RNASEH2B: variants seen among roughly 807,000 people sequenced by gnomAD.
RNASEH2B encodes the protein ribonuclease H2 subunit B, also known as Aicardi-Goutieres syndrome 2 protein.
A neutral mutation model predicts 45.0 loss-of-function variants in RNASEH2B; 36 were observed. The ratio of observed to expected loss-of-function variants is 0.80; its 90% CI spans 0.61 to 1.06. The LOEUF is 1.06. RNASEH2B is among the 50% of genes least tolerant of loss of function. The pLI, the probability that RNASEH2B is intolerant of heterozygous loss-of-function variation, is 0.00. For synonymous variants in RNASEH2B, 119 were observed against 125.7 expected (o/e 0.95, Z 0.35); for missense variants, 361 against 360.3 (o/e 1.00, Z -0.02).
At chr13:50,942,129 G>T (rs1378590505) in intron 5 of RNASEH2B, 1 of 152,184 alleles carries the variant, frequency 6.6e-6, no homozygotes, top group African/African-American at 2.4e-5. Flanking sequence ...GGTTGCTAGT[G>T]GTCATAAAGA....
intron 1 of RNASEH2B, among the ~76,000 whole-genome samples, chr13:50,916,487 A>G (rs1236898910): frequency 2.6e-5 from 4 of 152,350 alleles, no homozygotes; most frequent in South Asian, 2.1e-4. Context: ...GAAGAGGTGT[A>G]ATACTTATTG....
chr13:50,953,836 T>G, intron 9 of RNASEH2B, 69 bp from the exon 10 acceptor site: 3 of 1,049,600 alleles, frequency 2.9e-6, no homozygotes, highest in South Asian at 2.6e-5. Context: ...ACATGTTGGG[T>G]TTTTTTTTAA....
Position 50,914,200 on chromosome 13 carries a change from C to T in RNASEH2B, c.64+4060C>T, listed in dbSNP as rs116603404. Reference sequence around the variant, plus strand: ...AGATTTAACTGACTTTTCAGTGACACTAAAAAACACTCTTTTCCCTTCTTT... The same window carrying T: ...AGATTTAACTGACTTTTCAGTGACATTAAAAAACACTCTTTTCCCTTCTTT... On this transcript the variant is annotated intron_variant, in intron 1 of 10. Coordinates refer to ENST00000336617, the MANE Select transcript of RNASEH2B (RefSeq NM_024570.4). Among the ~76,000 whole-genome samples the T allele has an allele frequency of 6.2e-3, 936 of 152,170 alleles. 10 individuals carry two copies. The highest frequency in any genetic ancestry group is 0.022 in the African/African-American group (896 of 41,510).
At chr13:50,966,146 T>A (rs1186157246) in intron 9 of RNASEH2B, among the ~76,000 whole-genome samples, 1 of 152,218 alleles carries the variant, frequency 6.6e-6, no homozygotes, top group Non-Finnish European at 1.5e-5. Flanking sequence ...AATAAATCCA[T>A]GTGGGTTTAT....
intron 1 of RNASEH2B, chr13:50,913,232 C>T (rs910078582): frequency 6.6e-6 from 1 of 152,204 alleles, no homozygotes; most frequent in African/African-American, 2.4e-5. Context: ...GAGGCCATTA[C>T]TTTACTTTTT....
intron 9 of RNASEH2B, chr13:50,969,909 A>T (rs749636985): frequency 1.4e-5 from 21 of 1,550,848 alleles, no homozygotes; most frequent in Middle Eastern, 1.7e-4. Context: ...AGGACACACC[A>T]CATGTTTTCC....
intron 9 of RNASEH2B, among the ~76,000 whole-genome samples, chr13:50,964,084 A>G (rs1157091321): frequency 6.6e-6 from 1 of 152,152 alleles, no homozygotes; most frequent in East Asian, 1.9e-4. Flanking sequence ...CTGTAATCCC[A>G]GCTACTCGGG....
intron 9 of RNASEH2B, among the ~76,000 whole-genome samples, chr13:50,969,040 T>G (rs1952192734): frequency 6.6e-6 from 1 of 152,236 alleles, no homozygotes; most frequent in African/African-American, 2.4e-5. Flanking sequence ...GATTTATTTG[T>G]TCCTTTAAGA....
intron 1 of RNASEH2B, among the ~76,000 whole-genome samples, chr13:50,920,260 G>A (rs1951506986): frequency 6.6e-6 from 1 of 152,176 alleles, no homozygotes; most frequent in Non-Finnish European, 1.5e-5. Context: ...GGCCGGGCTG[G>A]TCTCTAACTC....
intron 5 of RNASEH2B, chr13:50,935,221 C>A: frequency 1.8e-6 from 1 of 546,200 alleles, no homozygotes; most frequent in Non-Finnish European, 3.3e-6. Flanking sequence ...GTCCACAGGG[C>A]AGGAATCACA....
chr13:50,947,896 T>A, intron 7 of RNASEH2B, 91 bp from the exon 8 acceptor site: 2 of 1,587,162 alleles, frequency 1.3e-6, no homozygotes, highest in Non-Finnish European at 1.7e-6. Flanking sequence ...CCAGATAGGG[T>A]CAGAATTTGA....
At chr13:50,916,651 C>T (rs1470788032) in intron 1 of RNASEH2B, among the ~76,000 whole-genome samples, 1 of 152,196 alleles carries the variant, frequency 6.6e-6, no homozygotes, top group African/African-American at 2.4e-5. Context: ...CCATTCAAAG[C>T]AGGTTACATT....
intron 9 of RNASEH2B, among the ~76,000 whole-genome samples, chr13:50,968,985 G>A (rs1952192162): frequency 6.6e-6 from 1 of 152,200 alleles, no homozygotes; most frequent in Non-Finnish European, 1.5e-5. Context: ...AGTTAGACAT[G>A]TTGTTCTTGC....
exon 10 of RNASEH2B, chr13:50,970,133 T>A: frequency 1.4e-6 from 1 of 700,296 alleles, no homozygotes; most frequent in Non-Finnish European, 2.5e-6. Context: ...ACCACTAGTC[T>A]ATGTGGGCAG....
intron 1 of RNASEH2B, among the ~76,000 whole-genome samples, chr13:50,920,791 G>T (rs1340132240): frequency 6.6e-6 from 1 of 152,036 alleles, no homozygotes; most frequent in Non-Finnish European, 1.5e-5. Context: ...TTTTTATTGA[G>T]TTTTTTCTAA....
chr13:50,912,197 C>T (rs1879451724), intron 1 of RNASEH2B: 1 of 152,280 alleles, frequency 6.6e-6, no homozygotes. Flanking sequence ...ATTCTTCCTT[C>T]TGGCCTTTAG....
At chr13:50,957,310 C>G (rs966922392), downstream of RNASEH2B, among the ~76,000 whole-genome samples, 4 of 152,062 alleles carry the variant, frequency 2.6e-5, no homozygotes, top group African/African-American at 9.7e-5. Flanking sequence ...CATTTGTACC[C>G]AATGTTTAGC....
At chr13:50,954,173 A>G (rs1327700826) in intron 10 of RNASEH2B, 188 bp downstream of exon 10, 2 of 640,904 alleles carry the variant, frequency 3.1e-6, no homozygotes, top group African/African-American at 3.6e-5. Context: ...ACTAAGACTT[A>G]TTATTAGTCA....
chr13:50,916,686 C>G (rs1879763833), intron 1 of RNASEH2B, among the ~76,000 whole-genome samples: 1 of 152,196 alleles, frequency 6.6e-6, no homozygotes, highest in Non-Finnish European at 1.5e-5. Context: ...TAGCCTCCTG[C>G]AAACATCCCT....
Sources: allele counts gnomAD v4.1 joint callset (sites outside exome capture counted in the v4.1 genomes callset), GRCh38; gene constraint gnomAD v4.1.1; transcripts MANE v1.5; gene names NCBI Gene and HGNC (gene_info 2026-07-23, HGNC 2026-07-21).